Variants in ZC3H11A observed in about 807,000 individuals in gnomAD.
The protein encoded by ZC3H11A is zinc finger CCCH domain-containing protein 11A.
Under a neutral mutation model 90.8 loss-of-function variants are expected in ZC3H11A, and 22 were observed. The ratio of observed to expected loss-of-function variants is 0.24; its 90% confidence interval spans 0.17 to 0.35. The LOEUF (loss-of-function observed/expected upper bound fraction) is 0.35, where lower values mean the gene tolerates loss of function less well. Among genes scored for constraint, ZC3H11A ranks in the 10% least tolerant of loss-of-function variants. The pLI, the probability that ZC3H11A is intolerant of heterozygous loss-of-function variation, is 1.00. For synonymous variants in ZC3H11A, 294 were observed against 339.8 expected, an observed-to-expected ratio of 0.87 and a Z score of 1.48; for missense variants, 701 against 964.9, an observed-to-expected ratio of 0.73 and a Z score of 3.62.
intron 9 of ZC3H11A, among the ~76,000 whole-genome samples, chr1:203,832,568 C>T (rs969425368): frequency 6.6e-6 from 1 of 152,078 alleles, no homozygotes; most frequent in Non-Finnish European, 1.5e-5. Context: ...ACCATGTTGG[C>T]CACACTGGTC....
intron 1 of ZC3H11A, chr1:203,797,820 G>A (rs762047262): frequency 6.5e-7 from 1 of 1,536,114 alleles, no homozygotes; most frequent in Non-Finnish European, 8.7e-7. Flanking sequence ...AGATGCCCCT[G>A]CTTTGTTAGC....
chr1:203,850,833 C>G (rs1689079487), intron 16 of ZC3H11A, 152 bp downstream of exon 16: 1 of 1,246,944 alleles, frequency 8.0e-7, no homozygotes, highest in South Asian at 1.5e-5. Context: ...TTTATACTTA[C>G]AGTTTGATAT....
chr1:203,829,340 A>C, intron 5 of ZC3H11A, 111 bp from the exon 6 acceptor site: 2 of 1,088,682 alleles, frequency 1.8e-6, no homozygotes, highest in Non-Finnish European at 2.7e-6. Context: ...GAAATTTAGT[A>C]TAAATGCTCA....
chr1:203,830,127 A>C lies in ZC3H11A; in HGVS notation c.624A>C (p.Glu208Asp). The C allele has an allele frequency of 6.3e-7, 1 of 1,592,204 alleles. No individual in the cohort carries two copies. The highest frequency in any genetic ancestry group is 8.5e-7 in the Non-Finnish European group (1 of 1,172,104). The part of the protein sequence containing the change: ...RKPAVNIKQG[E>D]CLNFGIKTLE... The stretch of plus-strand genomic sequence containing the variant: ...AATTTCTATTTGAATTTTCAGGTGA[A>C]TGTTTGAATTTTGGAATAAAAACTC... The change falls in exon 8 of 18, where the codon GAA becomes GAC. Residue 208 changes from glutamate (E) to aspartate (D), a missense_variant. Transcript: ENST00000367210.
intron 10 of ZC3H11A, among the ~76,000 whole-genome samples, chr1:203,836,409 G>T (rs931739261): frequency 6.6e-6 from 1 of 152,054 alleles, no homozygotes; most frequent in Non-Finnish European, 1.5e-5. Context: ...CTAAAAAACC[G>T]TTTTTAAAAA....
intron 4 of ZC3H11A, among the ~76,000 whole-genome samples, chr1:203,825,527 C>T (rs1343700173): frequency 1.4e-5 from 2 of 147,980 alleles, no homozygotes; most frequent in East Asian, 2.0e-4. Context: ...TTCCACCTCC[C>T]GGGTTCAAGT....
chr1:203,814,891 A>G (rs947791481), intron 2 of ZC3H11A: 2 of 152,044 alleles, frequency 1.3e-5, no homozygotes, highest in Non-Finnish European at 2.9e-5. Flanking sequence ...AGTGCAGTGC[A>G]TGATCTCGGC....
At chr1:203,799,358 T>C (rs746245911) in intron 1 of ZC3H11A, 2 of 704,424 alleles carry the variant, frequency 2.8e-6, no homozygotes, top group South Asian at 3.0e-5. Flanking sequence ...CCAGGAAAAC[T>C]TGTCATCATT....
chr1:203,798,611 T>C, intron 1 of ZC3H11A: 2 of 1,536,132 alleles, frequency 1.3e-6, no homozygotes, highest in Non-Finnish European at 1.7e-6. Flanking sequence ...CTGAGGACCT[T>C]AGTGACTCTG....
At chr1:203,841,829 C>G (rs531062990) in intron 12 of ZC3H11A, among the ~76,000 whole-genome samples, 1 of 146,250 alleles carries the variant, frequency 6.8e-6, no homozygotes, top group African/African-American at 2.4e-5. Context: ...CGGAGGGGCT[C>G]CTCACTTCGC....
chr1:203,832,087 G>A (rs758210865), intron 9 of ZC3H11A, among the ~76,000 whole-genome samples: 4 of 152,090 alleles, frequency 2.6e-5, no homozygotes, highest in Non-Finnish European at 5.9e-5. Context: ...AGACAGAGTT[G>A]CACTCCTGTT....
Position 203,829,445 on chromosome 1 carries a change from G to T in ZC3H11A, c.299-6G>T, listed in dbSNP as rs12066834. The T allele has an allele frequency of 3.1e-6, 5 of 1,613,784 alleles. No homozygotes were observed. The highest frequency in any genetic ancestry group is 2.2e-5 in the East Asian group (1 of 44,892). On this transcript the variant is annotated splice_polypyrimidine_tract_variant and splice_region_variant and intron_variant, in intron 5 of 17. Coordinates refer to ENST00000367210, the MANE Select transcript of ZC3H11A (RefSeq NM_001376342.1). Reference sequence around the variant, plus strand: ...TTTTAATTTATGACTGATTTTGTGCGTTTAGCTGTGTTGCCCACTGTGCCT... The same window carrying T: ...TTTTAATTTATGACTGATTTTGTGCTTTTAGCTGTGTTGCCCACTGTGCCT...
intron 2 of ZC3H11A, among the ~76,000 whole-genome samples, chr1:203,812,605 G>A (rs1471648181): frequency 1.7e-5 from 2 of 114,644 alleles, no homozygotes; most frequent in Non-Finnish European, 3.5e-5. Context: ...TTTTTGAGAC[G>A]GAGTCTCACT....
At position 203,844,568 on chromosome 1, in the gene ZC3H11A, T is replaced by G. The variant is rs1687360589; in HGVS notation, c.1043-2616T>G. 2.0e-5 allele frequency among the ~76,000 whole-genome samples: 3 copies of G among 152,232 alleles called. No homozygotes were observed. In the South Asian group the frequency reaches 6.2e-4, roughly 32 times the overall value. On this transcript the variant is annotated intron_variant, in intron 12 of 17. Coordinates refer to ENST00000367210, the MANE Select transcript of ZC3H11A (RefSeq NM_001376342.1). ...TTCTTTTTATTTATTTTGGTTTATC[T>G]TAAATATTGTTGTTTTTCCATAGTT... is the stretch of plus-strand genomic sequence containing the variant.
intron 11 of ZC3H11A, among the ~76,000 whole-genome samples, chr1:203,839,172 G>A (rs879571449): frequency 5.9e-5 from 9 of 152,092 alleles, no homozygotes; most frequent in Non-Finnish European, 1.3e-4. Context: ...ATTTGGAGAC[G>A]TGGACTAAAT....
At chr1:203,832,730 G>A (rs1682804518) in intron 9 of ZC3H11A, among the ~76,000 whole-genome samples, 1 of 151,744 alleles carries the variant, frequency 6.6e-6, no homozygotes, top group Non-Finnish European at 1.5e-5. Context: ...ATATTTAAAT[G>A]TTTGTGCAAT....
At position 203,831,783 on chromosome 1, in the gene ZC3H11A, A is replaced by C. The variant is rs188728596; in HGVS notation, c.811+12A>C. ...CTCCACCAAACAAGGTAAGGTATAG[A>C]TAGGTCTTAGAGTTGTCAAGCCTCT... On this transcript the variant is annotated intron_variant, in intron 9 of 17. Transcript: ENST00000367210. 2.2e-5 allele frequency: 35 copies of C among 1,603,010 alleles called. No homozygotes were observed. In the East Asian group the frequency reaches 6.0e-4, roughly 28 times the overall value.
intron 2 of ZC3H11A, among the ~76,000 whole-genome samples, chr1:203,811,390 A>G (rs758566161): frequency 1.3e-5 from 2 of 152,202 alleles, no homozygotes; most frequent in South Asian, 2.1e-4. Flanking sequence ...CATAGCTACC[A>G]TTTCATTGTT....
At chr1:203,798,503 T>C in intron 1 of ZC3H11A, 1 of 1,536,140 alleles carries the variant, frequency 6.5e-7, no homozygotes, top group South Asian at 1.2e-5. Flanking sequence ...ACAGTGGTGC[T>C]GTTGCAAATG....
Sources: gnomAD v4.1 joint callset for allele counts (sites outside exome capture counted in the v4.1 genomes callset) on GRCh38, gnomAD v4.1.1 for gene constraint, MANE v1.5 for transcripts, NCBI Gene and HGNC (gene_info 2026-07-23, HGNC 2026-07-21) for gene names.